CLIP4: variants seen among roughly 807,000 people sequenced by gnomAD.
CLIP4 encodes CAP-Gly domain containing linker protein family member 4, also known as CAP-Gly domain-containing linker protein 4.
A neutral mutation model predicts 73.1 loss-of-function variants in CLIP4; 47 were observed. That is an observed-to-expected ratio of 0.64 (90% CI 0.51 to 0.82). The LOEUF (loss-of-function observed/expected upper bound fraction) is 0.82. CLIP4 is among the 40% of genes least tolerant of loss of function. The probability of loss-of-function intolerance (pLI) is 0.00; values close to 1 mark genes in which losing one functional copy is unlikely to be tolerated. For synonymous variants in CLIP4, 306 were observed against 295.4 expected, an observed-to-expected ratio of 1.04 and a Z score of -0.37; for missense variants, 874 against 852.9, an observed-to-expected ratio of 1.02 and a Z score of -0.31.
At chr2:29,149,969 C>CT (rs1041503268) in intron 8 of CLIP4, among the ~76,000 whole-genome samples, 3 of 152,064 alleles carry the variant, frequency 2.0e-5, no homozygotes, top group African/African-American at 7.2e-5. Flanking sequence ...ATAAAAATAC[C>CT]TTATTCACTT....
intron 1 of CLIP4, among the ~76,000 whole-genome samples, chr2:29,119,093 T>G (rs1253494124): frequency 6.6e-6 from 1 of 152,146 alleles, no homozygotes; most frequent in Admixed American, 6.5e-5. Context: ...AATAAGGAAA[T>G]GTAACTAGAG....
chr2:29,115,373 C>T (rs958115711), upstream of CLIP4: 1 of 151,712 alleles, frequency 6.6e-6, no homozygotes, highest in East Asian at 2.0e-4. This position sits in a 1 kb window ranked among gnomAD's most constrained non-coding sequence, Gnocchi z 5.1. Context: ...TGCGGGGGCG[C>T]GGGAGCCAGG....
chr2:29,177,789 T>G (rs1446357409), intron 15 of CLIP4, among the ~76,000 whole-genome samples: 1 of 152,206 alleles, frequency 6.6e-6, no homozygotes, highest in Non-Finnish European at 1.5e-5. Context: ...CTGATTATTA[T>G]GTACAAATAC....
intron 1 of CLIP4, among the ~76,000 whole-genome samples, chr2:29,120,943 A>G (rs145971590): frequency 2.0e-5 from 3 of 152,138 alleles, no homozygotes; most frequent in Non-Finnish European, 4.4e-5. Context: ...ATTTTAAGGT[A>G]GATTATCTTC....
intron 1 of CLIP4, among the ~76,000 whole-genome samples, chr2:29,119,824 A>C (rs1283781112): frequency 3.3e-5 from 5 of 152,180 alleles, no homozygotes; most frequent in Admixed American, 2.6e-4. Context: ...GATTCTTAGA[A>C]GCTCCAACTG....
chr2:29,110,333 A>G (rs1172332092), intron 1 of CLIP4, among the ~76,000 whole-genome samples: 1 of 152,220 alleles, frequency 6.6e-6, no homozygotes, highest in East Asian at 1.9e-4. Flanking sequence ...TAGAAGCAGT[A>G]GGAGGTTCCT....
At chr2:29,166,533 A>G (rs1249667821) in intron 13 of CLIP4, among the ~76,000 whole-genome samples, 1 of 74,078 alleles carries the variant, frequency 1.3e-5, no homozygotes, top group South Asian at 2.9e-4. Flanking sequence ...ACACACAGAC[A>G]CACACACACA....
intron 12 of CLIP4, among the ~76,000 whole-genome samples, chr2:29,160,674 TTG>T (rs766095391): frequency 6.6e-5 from 10 of 152,198 alleles, no homozygotes; most frequent in Non-Finnish European, 1.2e-4. Flanking sequence ...TTCTTGCCAT[TTG>T]TGTTTTAAAT....
rs1483670714 is a variant in CLIP4 at position 29,182,268 on chromosome 2, T to G, written c.*375T>G. On this transcript the variant is annotated 3_prime_UTR_variant, in exon 16 of 16. Coordinates refer to ENST00000320081, the MANE Select transcript of CLIP4 (RefSeq NM_024692.6). ...TTGTGAAGGGTTTCTCTAGCTTTGG[T>G]TATGTGTAATGTTCACGTGACCTTT... 1 of 161,760 alleles carries G rather than the reference T, an allele frequency of 6.2e-6. No homozygotes were observed. The highest frequency in any genetic ancestry group is 1.3e-5 in the Non-Finnish European group (1 of 74,332). 10.0% of individuals were successfully genotyped at this position (161,760 alleles called of 1,614,324 possible). A position where few individuals can be genotyped will look rare whatever the true frequency, so the allele number is the denominator to read the frequency against.
chr2:29,171,476 C>T (rs1235816980), intron 14 of CLIP4, among the ~76,000 whole-genome samples: 4 of 149,234 alleles, frequency 2.7e-5, no homozygotes, highest in Non-Finnish European at 5.9e-5. Flanking sequence ...TTTCTATGTT[C>T]TTATGTTTTT....
intron 9 of CLIP4, among the ~76,000 whole-genome samples, chr2:29,154,663 A>C (rs1374284461): frequency 1.3e-5 from 2 of 152,154 alleles, no homozygotes. Context: ...GGACTCAAGA[A>C]AGAGGCCTCA....
chr2:29,179,843 T>C (rs1419698849), intron 15 of CLIP4, among the ~76,000 whole-genome samples: 6 of 152,224 alleles, frequency 3.9e-5, no homozygotes, highest in Admixed American at 3.3e-4. Context: ...AAATTTATTA[T>C]TGTATTTGTG....
intron 7 of CLIP4, 33 bp downstream of exon 7, chr2:29,143,978 G>A (rs1347071304): frequency 1.3e-6 from 2 of 1,574,248 alleles, no homozygotes; most frequent in Admixed American, 1.7e-5. Flanking sequence ...CTGAAGCCAG[G>A]GTTGTTATGT....
chr2:29,157,417 T>G, intron 11 of CLIP4, 70 bp downstream of exon 11: 1 of 1,612,556 alleles, frequency 6.2e-7, no homozygotes, highest in Non-Finnish European at 8.5e-7. Context: ...GTAGATTTGC[T>G]CTTTTTAAAT....
intron 6 of CLIP4, among the ~76,000 whole-genome samples, chr2:29,136,185 G>GT (rs746326403): frequency 0.081 from 11,908 of 146,152 alleles, 549 homozygotes; most frequent in Non-Finnish European, 0.098. Flanking sequence ...ATTTGTTGTT[G>GT]TTGTTTTTTT....
At chr2:29,144,031 G>A (rs1334706731) in intron 7 of CLIP4, 86 bp downstream of exon 7, 2 of 1,143,652 alleles carry the variant, frequency 1.7e-6, no homozygotes, top group Non-Finnish European at 2.6e-6. Flanking sequence ...AGAGTTTTGA[G>A]TTTTTGAAAA....
At chr2:29,153,721 T>C (rs1666735674) in intron 9 of CLIP4, among the ~76,000 whole-genome samples, 1 of 152,216 alleles carries the variant, frequency 6.6e-6, no homozygotes, top group African/African-American at 2.4e-5. Flanking sequence ...TCTACCAGGA[T>C]GAAAGGAATT....
At chr2:29,107,090 A>G (rs1191509468) in intron 1 of CLIP4, among the ~76,000 whole-genome samples, 2 of 152,124 alleles carry the variant, frequency 1.3e-5, no homozygotes, top group Non-Finnish European at 2.9e-5. Flanking sequence ...CATTTGATCC[A>G]TTGTTGACAA....
intron 15 of CLIP4, among the ~76,000 whole-genome samples, chr2:29,175,067 G>A (rs1193472537): frequency 6.6e-6 from 1 of 152,076 alleles, no homozygotes; most frequent in South Asian, 2.1e-4. Flanking sequence ...ATAATACCCT[G>A]GGGGAAAAGG....
Sources: allele counts gnomAD v4.1 joint callset (sites outside exome capture counted in the v4.1 genomes callset), GRCh38; gene constraint gnomAD v4.1.1; non-coding constraint Gnocchi (gnomAD v3.1); transcripts MANE v1.5; gene names NCBI Gene and HGNC (gene_info 2026-07-23, HGNC 2026-07-21).